KCNMA1: variants seen among roughly 807,000 people sequenced by gnomAD.
KCNMA1 encodes potassium calcium-activated channel subfamily M alpha 1.
KCNMA1 carries 29 observed loss-of-function variants against 140.0 expected under a neutral mutation model. That is an observed-to-expected ratio of 0.21 (90% CI 0.15 to 0.28). The LOEUF is 0.28. Among genes scored for constraint, KCNMA1 ranks in the 10% least tolerant of loss-of-function variants. The probability of loss-of-function intolerance (pLI) is 1.00; values close to 1 mark genes in which losing one functional copy is unlikely to be tolerated. For synonymous variants in KCNMA1, 612 were observed against 611.9 expected (o/e 1.00, Z 0.00); for missense variants, 880 against 1,602.2 (o/e 0.55, Z 7.70).
chr10:77,082,070 C>T (rs1181024127), intron 12 of KCNMA1, among the ~76,000 whole-genome samples: 1 of 128,922 alleles, frequency 7.8e-6, no homozygotes, highest in Non-Finnish European at 1.6e-5. Flanking sequence ...GCTCTGTTGC[C>T]CAGGCTGTAG....
At chr10:77,064,617 T>C (rs2095864843) in intron 14 of KCNMA1, among the ~76,000 whole-genome samples, 2 of 152,190 alleles carry the variant, frequency 1.3e-5, no homozygotes, top group Non-Finnish European at 1.5e-5. Flanking sequence ...TTATTAGAAA[T>C]AGTTTTCACA....
At chr10:77,448,890 C>T (rs2097577878) in intron 1 of KCNMA1, among the ~76,000 whole-genome samples, 2 of 151,996 alleles carry the variant, frequency 1.3e-5, no homozygotes, top group Admixed American at 6.6e-5. Context: ...AGATCGAGAC[C>T]AGCCAGACTA....
intron 1 of KCNMA1, among the ~76,000 whole-genome samples, chr10:77,581,635 A>C (rs2075916626): frequency 6.6e-6 from 1 of 152,228 alleles, no homozygotes; most frequent in African/African-American, 2.4e-5. Context: ...CAGGCAGGAC[A>C]AACAGTTGGT....
intron 25 of KCNMA1, among the ~76,000 whole-genome samples, chr10:76,894,115 G>C (rs189653570): frequency 6.6e-6 from 1 of 152,116 alleles, no homozygotes; most frequent in African/African-American, 2.4e-5. Flanking sequence ...GATAGTAATG[G>C]CATAGGATAG....
At chr10:77,065,565 T>C (rs1281892510) in intron 14 of KCNMA1, among the ~76,000 whole-genome samples, 1 of 152,106 alleles carries the variant, frequency 6.6e-6, no homozygotes, top group African/African-American at 2.4e-5. Context: ...TATTCATAGA[T>C]TGGAGAACTC....
At chr10:76,897,048 A>ACACACACAC (rs1806705746) in intron 25 of KCNMA1, among the ~76,000 whole-genome samples, 4 of 148,874 alleles carry the variant, frequency 2.7e-5, no homozygotes, top group African/African-American at 7.4e-5. Flanking sequence ...ACACACACAC[A>ACACACACAC]ATTAGTGATA....
chr10:77,457,955 A>G (rs1221797108), intron 1 of KCNMA1, among the ~76,000 whole-genome samples: 3 of 151,610 alleles, frequency 2.0e-5, no homozygotes, highest in Non-Finnish European at 2.9e-5. Flanking sequence ...AGGGAAACAA[A>G]TGTAAGGCCC....
intron 19 of KCNMA1, 86 bp downstream of exon 19, chr10:77,001,321 C>G: frequency 7.7e-7 from 1 of 1,297,222 alleles, no homozygotes; most frequent in Non-Finnish European, 1.1e-6. Context: ...GCCCGACTGA[C>G]TCAGAACCAC....
chr10:77,570,776 A>G (rs922515328), intron 1 of KCNMA1, among the ~76,000 whole-genome samples: 70 of 152,190 alleles, frequency 4.6e-4, no homozygotes. Flanking sequence ...ATGGGAAAAA[A>G]AAAAATTAGC....
chr10:77,495,313 G>A (rs2041492894), intron 1 of KCNMA1, among the ~76,000 whole-genome samples: 1 of 152,194 alleles, frequency 6.6e-6, no homozygotes. Flanking sequence ...ACTGCTCTGT[G>A]ATGGGCCCCT....
chr10:76,981,255 T>A (rs949936049), intron 19 of KCNMA1, among the ~76,000 whole-genome samples: 3 of 152,032 alleles, frequency 2.0e-5, no homozygotes, highest in Non-Finnish European at 4.4e-5. Flanking sequence ...TAGCCTTGCA[T>A]CTCATTCAAC....
At chr10:77,008,785 A>G (rs1394032423) in intron 18 of KCNMA1, among the ~76,000 whole-genome samples, 1 of 152,202 alleles carries the variant, frequency 6.6e-6, no homozygotes, top group East Asian at 1.9e-4. Context: ...TGGACAGATG[A>G]GTATGTGGGT....
At chr10:77,112,571 T>C in intron 6 of KCNMA1, 129 bp from the exon 7 acceptor site, 2 of 707,668 alleles carry the variant, frequency 2.8e-6, no homozygotes, top group South Asian at 3.0e-5. Flanking sequence ...ATTTCTCCAT[T>C]ATAAGGGAAT....
intron 1 of KCNMA1, among the ~76,000 whole-genome samples, chr10:77,434,711 C>T (rs967656215): frequency 3.9e-5 from 6 of 152,158 alleles, no homozygotes; most frequent in Non-Finnish European, 8.8e-5. Context: ...ACGATAAAGA[C>T]ACCACCCCTG....
At chr10:76,941,508 G>A (rs770607618) in intron 23 of KCNMA1, among the ~76,000 whole-genome samples, 19 of 152,186 alleles carry the variant, frequency 1.2e-4, no homozygotes, top group Non-Finnish European at 2.6e-4. Flanking sequence ...CTGGACCACT[G>A]CCTTTACAAG....
At chr10:77,022,742 T>A (rs1336585026) in intron 16 of KCNMA1, among the ~76,000 whole-genome samples, 2 of 152,224 alleles carry the variant, frequency 1.3e-5, no homozygotes, top group African/African-American at 4.8e-5. Flanking sequence ...CCATAAGTTT[T>A]CCTTTTTTTC....
chr10:77,340,625 A>G (rs1311409242), intron 2 of KCNMA1, among the ~76,000 whole-genome samples: 2 of 148,704 alleles, frequency 1.3e-5, no homozygotes, highest in East Asian at 2.0e-4. Context: ...AAAACCAAAC[A>G]CTGCATGTTC....
exon 28 of KCNMA1, chr10:76,870,239 C>A (rs2030997561): frequency 1.3e-5 from 2 of 152,376 alleles, no homozygotes; most frequent in Non-Finnish European, 2.9e-5. Flanking sequence ...CAGCTGCCTT[C>A]CCACGCTGAC....
At chr10:77,583,615 T>C (rs936709995) in intron 1 of KCNMA1, among the ~76,000 whole-genome samples, 1 of 152,234 alleles carries the variant, frequency 6.6e-6, no homozygotes. Context: ...CTTCCTCCTC[T>C]GATGAGTGAC....
Sources: gnomAD v4.1 joint callset for allele counts (sites outside exome capture counted in the v4.1 genomes callset) on GRCh38, gnomAD v4.1.1 for gene constraint, MANE v1.5 for transcripts, NCBI Gene and HGNC (gene_info 2026-07-23, HGNC 2026-07-21) for gene names.